Variants in HSD17B12 observed in about 807,000 individuals in gnomAD.
HSD17B12 encodes the protein hydroxysteroid 17-beta dehydrogenase 12.
A neutral mutation model predicts 39.3 loss-of-function variants in HSD17B12; 32 were observed. The ratio of observed to expected loss-of-function variants is 0.81; its 90% CI spans 0.61 to 1.09. The LOEUF (loss-of-function observed/expected upper bound fraction) is 1.09, where lower values mean the gene tolerates loss of function less well. HSD17B12 is among the 50% of genes least tolerant of loss of function. HSD17B12 has a pLI of 0.00. For missense variants in HSD17B12, 342 were observed against 382.9 expected, an observed-to-expected ratio of 0.89 and a Z score of 0.89; for synonymous variants, 150 against 146.7, an observed-to-expected ratio of 1.02 and a Z score of -0.16.
At chr11:43,678,388 G>C (rs956231888), upstream of HSD17B12, among the ~76,000 whole-genome samples, 2 of 152,176 alleles carry the variant, frequency 1.3e-5, no homozygotes, top group Admixed American at 6.5e-5. Flanking sequence ...TAGGTTGCCT[G>C]TTCACTCTGA....
At chr11:43,828,086 G>A (rs1951265448) in intron 6 of HSD17B12, among the ~76,000 whole-genome samples, 1 of 151,424 alleles carries the variant, frequency 6.6e-6, no homozygotes, top group Admixed American at 6.6e-5. Context: ...GCAAGGACAA[G>A]GATTTCACAC....
chr11:43,576,677 T>C, the HSD17B12 span: 1 of 152,342 alleles, frequency 6.6e-6, no homozygotes, highest in Non-Finnish European at 1.5e-5. Context: ...ACTTTGTGCA[T>C]GCTCCGGGGT....
chr11:43,819,187 C>T (rs1951158259), intron 6 of HSD17B12, among the ~76,000 whole-genome samples: 1 of 152,040 alleles, frequency 6.6e-6, no homozygotes, highest in Non-Finnish European at 1.5e-5. Context: ...CTGTGTAAGC[C>T]ATTTACTTTA....
intron 1 of HSD17B12, among the ~76,000 whole-genome samples, chr11:43,696,207 T>G (rs1949910134): frequency 6.6e-6 from 1 of 152,178 alleles, no homozygotes; most frequent in Non-Finnish European, 1.5e-5. Flanking sequence ...AGATAAATAT[T>G]CATTGTGTGG....
At chr11:43,792,974 A>G (rs1408832781) in intron 3 of HSD17B12, among the ~76,000 whole-genome samples, 1 of 152,168 alleles carries the variant, frequency 6.6e-6, no homozygotes, top group Admixed American at 6.5e-5. Flanking sequence ...TTATTTACTC[A>G]TTTAACAAAC....
intron 1 of HSD17B12, among the ~76,000 whole-genome samples, chr11:43,716,859 G>T (rs1178501888): frequency 6.6e-6 from 1 of 151,468 alleles, no homozygotes. Context: ...AAGGAGGCAG[G>T]GGAAAGGTGC....
the HSD17B12 span, among the ~76,000 whole-genome samples, chr11:43,601,317 TTG>T: frequency 9.3e-5 from 14 of 150,572 alleles, no homozygotes; most frequent in Non-Finnish European, 1.5e-4. Flanking sequence ...CATGCTGCGT[TTG>T]TGTGTGTGTG....
chr11:43,760,021 G>T (rs1425099688), intron 3 of HSD17B12, among the ~76,000 whole-genome samples: 1 of 151,876 alleles, frequency 6.6e-6, no homozygotes, highest in African/African-American at 2.4e-5. Context: ...TCAGCCTCCT[G>T]GGTAACTGGG....
chr11:43,734,132 A>G (rs1950294659), intron 1 of HSD17B12: 4 of 1,438,666 alleles, frequency 2.8e-6, no homozygotes, highest in Non-Finnish European at 3.9e-6. Context: ...CTACCAAATC[A>G]AGTCAGTGGT....
At chr11:43,689,993 C>T (rs1949837756) in intron 1 of HSD17B12, among the ~76,000 whole-genome samples, 1 of 152,028 alleles carries the variant, frequency 6.6e-6, no homozygotes, top group Non-Finnish European at 1.5e-5. Flanking sequence ...TTGCTTTTTC[C>T]TCTTCACGGA....
the HSD17B12 span, among the ~76,000 whole-genome samples, chr11:43,616,006 G>A: frequency 1.3e-5 from 2 of 152,168 alleles, no homozygotes; most frequent in South Asian, 4.1e-4. Context: ...CTTTGTGTGA[G>A]TGAGAGCGAG....
intron 9 of HSD17B12, among the ~76,000 whole-genome samples, chr11:43,842,313 A>C (rs78855399): frequency 0.027 from 4,108 of 152,218 alleles, 176 homozygotes; most frequent in African/African-American, 0.079. Context: ...TAGAATGGTA[A>C]TGAAAGGAAG....
At chr11:43,693,289 G>A (rs913668842) in intron 1 of HSD17B12, among the ~76,000 whole-genome samples, 2 of 152,214 alleles carry the variant, frequency 1.3e-5, no homozygotes, top group African/African-American at 2.4e-5. Context: ...GAGGAAAGTG[G>A]TGAGGAGGAA....
intron 4 of HSD17B12, among the ~76,000 whole-genome samples, chr11:43,803,735 A>G (rs887438906): frequency 6.6e-6 from 1 of 152,190 alleles, no homozygotes; most frequent in African/African-American, 2.4e-5. Flanking sequence ...ACTTGATGAG[A>G]CTATAAATGC....
intron 3 of HSD17B12, among the ~76,000 whole-genome samples, chr11:43,781,863 C>T (rs1950769126): frequency 6.6e-6 from 1 of 152,022 alleles, no homozygotes; most frequent in Non-Finnish European, 1.5e-5. Context: ...GTTATTGGAT[C>T]CTTCAGACAA....
At chr11:43,690,361 CATATAT>C (rs61646858) in intron 1 of HSD17B12, among the ~76,000 whole-genome samples, 50 of 39,378 alleles carry the variant, frequency 1.3e-3, no homozygotes, top group African/African-American at 2.9e-3. Flanking sequence ...GGTATTCATA[CATATAT>C]ATATATATAT....
chr11:43,616,938 C>T, the HSD17B12 span, among the ~76,000 whole-genome samples: 1 of 148,116 alleles, frequency 6.8e-6, no homozygotes, highest in Non-Finnish European at 1.5e-5. Context: ...CGTCATTGCA[C>T]TCCAGCCTGG....
the HSD17B12 span, among the ~76,000 whole-genome samples, chr11:43,629,825 G>A: frequency 6.6e-6 from 1 of 152,194 alleles, no homozygotes; most frequent in African/African-American, 2.4e-5. Context: ...TGTTAAGTAG[G>A]GAGGATGCAG....
At chr11:43,715,651 G>A (rs1440981929) in intron 1 of HSD17B12, among the ~76,000 whole-genome samples, 1 of 152,086 alleles carries the variant, frequency 6.6e-6, no homozygotes, top group Non-Finnish European at 1.5e-5. Flanking sequence ...AAATGAGTTA[G>A]GGAGGATTTC....
Sources: gnomAD v4.1 joint callset for allele counts (sites outside exome capture counted in the v4.1 genomes callset) on GRCh38, gnomAD v4.1.1 for gene constraint, MANE v1.5 for transcripts, NCBI Gene and HGNC (gene_info 2026-07-23, HGNC 2026-07-21) for gene names.